CNTNAP2: variants seen among roughly 807,000 people sequenced by gnomAD.
CNTNAP2 encodes contactin-associated protein-like 2.
CNTNAP2 carries 98 observed loss-of-function variants against 155.2 expected under a neutral mutation model. That is an observed-to-expected ratio of 0.63 (90% CI 0.54 to 0.75). CNTNAP2 has a LOEUF of 0.75. Among genes scored for constraint, CNTNAP2 ranks in the 30% least tolerant of loss-of-function variants. The pLI is 0.00. For missense variants in CNTNAP2, 1,727 were observed against 1,688.1 expected (o/e 1.02, Z -0.40); for synonymous variants, 651 against 631.2 (o/e 1.03, Z -0.47).
chr7:147,426,532 G>A (rs1329729893), intron 10 of CNTNAP2, among the ~76,000 whole-genome samples: 1 of 152,084 alleles, frequency 6.6e-6, no homozygotes, highest in Non-Finnish European at 1.5e-5. Flanking sequence ...TATTCTAGGA[G>A]TTTGTACTTT....
At chr7:146,439,178 A>G (rs1229260151) in intron 1 of CNTNAP2, among the ~76,000 whole-genome samples, 1 of 151,534 alleles carries the variant, frequency 6.6e-6, no homozygotes, top group African/African-American at 2.4e-5. Flanking sequence ...GGGACTATGT[A>G]TCCCTTCCTT....
chr7:147,686,181 G>A (rs558320467), intron 13 of CNTNAP2, among the ~76,000 whole-genome samples: 2 of 152,050 alleles, frequency 1.3e-5, no homozygotes, highest in Non-Finnish European at 2.9e-5. Flanking sequence ...AGTGATATAG[G>A]TGATGAGAAT....
At position 146,301,549 on chromosome 7, in the gene CNTNAP2, C is replaced by T. The variant is rs189635654; in HGVS notation, c.97+184576C>T. 7.9e-3 allele frequency among the ~76,000 whole-genome samples: 1,202 copies of T among 152,068 alleles called. 18 individuals carry two copies. The highest frequency in any genetic ancestry group is 0.025 in the South Asian group (118 of 4,814). On this transcript the variant is annotated intron_variant, in intron 1 of 23. Transcript: ENST00000361727. ...GGTGAGGCAGGAGAATGGTGTGAAC[C>T]CGGGAGGCGGAGCTTGTAGTGAGCC...
chr7:147,180,655 G>A (rs911839731), intron 8 of CNTNAP2, among the ~76,000 whole-genome samples: 1 of 152,060 alleles, frequency 6.6e-6, no homozygotes, highest in African/African-American at 2.4e-5. Flanking sequence ...CATAGTAAAT[G>A]CCATTGTATA....
intron 10 of CNTNAP2, among the ~76,000 whole-genome samples, chr7:147,427,237 T>A (rs886468692): frequency 1.3e-5 from 2 of 152,122 alleles, no homozygotes; most frequent in Non-Finnish European, 2.9e-5. Context: ...CATGCTGTAA[T>A]CACTTCCCAA....
At chr7:147,635,291 T>G (rs575909008) in intron 12 of CNTNAP2, among the ~76,000 whole-genome samples, 3 of 151,828 alleles carry the variant, frequency 2.0e-5, no homozygotes, top group South Asian at 2.1e-4. Context: ...TTTAATCGAA[T>G]TTTTAAAACT....
At chr7:147,212,174 T>C (rs895394309) in intron 8 of CNTNAP2, among the ~76,000 whole-genome samples, 1 of 152,126 alleles carries the variant, frequency 6.6e-6, no homozygotes, top group Non-Finnish European at 1.5e-5. Context: ...CCATCCACCA[T>C]GGAAAGCAGT....
chr7:146,771,624 T>C (rs1802294030), intron 1 of CNTNAP2, among the ~76,000 whole-genome samples: 1 of 152,192 alleles, frequency 6.6e-6, no homozygotes, highest in Non-Finnish European at 1.5e-5. Flanking sequence ...ACATGCCATA[T>C]TTCACAGAGG....
chr7:146,217,505 A>G (rs1799132656), intron 1 of CNTNAP2, among the ~76,000 whole-genome samples: 1 of 152,218 alleles, frequency 6.6e-6, no homozygotes, highest in Admixed American at 6.5e-5. Context: ...ACTTATTATT[A>G]TCCACACGTA....
chr7:147,633,790 T>C (rs1795130136), intron 12 of CNTNAP2, among the ~76,000 whole-genome samples: 1 of 152,190 alleles, frequency 6.6e-6, no homozygotes. Context: ...TCTGCCATGA[T>C]TGTAAGTTTC....
chr7:147,754,752 G>A (rs1353775236), intron 13 of CNTNAP2, among the ~76,000 whole-genome samples: 3 of 152,002 alleles, frequency 2.0e-5, no homozygotes, highest in Non-Finnish European at 4.4e-5. Context: ...GATATTTGAA[G>A]TTTTATTGAA....
intron 1 of CNTNAP2, among the ~76,000 whole-genome samples, chr7:146,511,742 T>A (rs796170408): frequency 2.4e-4 from 37 of 152,274 alleles, no homozygotes; most frequent in African/African-American, 8.7e-4. Context: ...CTTTCCTTTT[T>A]TGTGTTGTCC....
intron 13 of CNTNAP2, among the ~76,000 whole-genome samples, chr7:147,884,404 G>C (rs1799572033): frequency 6.6e-6 from 1 of 151,774 alleles, no homozygotes; most frequent in African/African-American, 2.4e-5. Flanking sequence ...TTCATCCAGA[G>C]TTGCAAAGCA....
At chr7:148,113,444 C>T (rs1804399609) in intron 15 of CNTNAP2, among the ~76,000 whole-genome samples, 1 of 152,176 alleles carries the variant, frequency 6.6e-6, no homozygotes, top group Non-Finnish European at 1.5e-5. Context: ...CAATCACCTC[C>T]CACCAGGCCC....
chr7:147,742,923 A>C (rs575054101), intron 13 of CNTNAP2, among the ~76,000 whole-genome samples: 2 of 152,218 alleles, frequency 1.3e-5, no homozygotes, highest in Non-Finnish European at 2.9e-5. Context: ...TACAGTCAGA[A>C]GCCTCGAGAA....
chr7:147,637,510 A>G (rs1795200460), intron 12 of CNTNAP2, among the ~76,000 whole-genome samples: 1 of 152,172 alleles, frequency 6.6e-6, no homozygotes, highest in African/African-American at 2.4e-5. Flanking sequence ...CTTTTAATCT[A>G]CAGCACGCTC....
intron 1 of CNTNAP2, among the ~76,000 whole-genome samples, chr7:146,338,819 G>A (rs1176458741): frequency 1.3e-5 from 2 of 151,982 alleles, no homozygotes; most frequent in Non-Finnish European, 1.5e-5. Context: ...TGTTACAAGT[G>A]TATTTTATAT....
intron 14 of CNTNAP2, among the ~76,000 whole-genome samples, chr7:147,955,545 G>A (rs372260608): frequency 8.5e-5 from 13 of 152,232 alleles, no homozygotes; most frequent in East Asian, 1.9e-4. Flanking sequence ...TCCCCTGAAA[G>A]GTATTCAGAA....
intron 21 of CNTNAP2, among the ~76,000 whole-genome samples, chr7:148,297,276 G>C (rs1013323442): frequency 6.6e-6 from 1 of 152,122 alleles, no homozygotes; most frequent in South Asian, 2.1e-4. Context: ...CTCCTAGCAC[G>C]GGCAGTGTGG....
Sources: allele counts gnomAD v4.1 joint callset (sites outside exome capture counted in the v4.1 genomes callset), GRCh38; gene constraint gnomAD v4.1.1; transcripts MANE v1.5; gene names NCBI Gene and HGNC (gene_info 2026-07-23, HGNC 2026-07-21).